The following PTPRD variants were observed in gnomAD, a reference collection of about 807,000 sequenced individuals.
The protein encoded by PTPRD is receptor-type tyrosine-protein phosphatase delta.
In PTPRD, 34 loss-of-function variants were observed where a neutral mutation model predicts 214.5. The observed-to-expected ratio is 0.16, with a 90% CI of 0.12 to 0.21. The LOEUF is 0.21. Ranked by LOEUF, PTPRD falls within the 10% of genes least tolerant of loss-of-function variation. The probability of loss-of-function intolerance (pLI) is 1.00; values close to 1 mark genes in which losing one functional copy is unlikely to be tolerated. For synonymous variants in PTPRD, 1,128 were observed against 845.7 expected (o/e 1.33, Z -5.79); for missense variants, 2,545 against 2,398.7 (o/e 1.06, Z -1.27).
intron 11 of PTPRD, among the ~76,000 whole-genome samples, chr9:8,900,007 T>C (rs1730715733): frequency 6.6e-6 from 1 of 152,222 alleles, no homozygotes; most frequent in South Asian, 2.1e-4. Context: ...ATCATTTTTC[T>C]TTCTTAAATT....
intron 2 of PTPRD, among the ~76,000 whole-genome samples, chr9:10,466,233 C>G (rs2098992514): frequency 6.6e-6 from 1 of 152,136 alleles, no homozygotes; most frequent in African/African-American, 2.4e-5. Flanking sequence ...AGCCTAATAT[C>G]TAGCCTGAAA....
intron 14 of PTPRD, among the ~76,000 whole-genome samples, chr9:8,589,428 T>C (rs2093929170): frequency 6.6e-6 from 1 of 152,214 alleles, no homozygotes; most frequent in South Asian, 2.1e-4. Flanking sequence ...CTTTCTGACT[T>C]GTCGCTTGAT....
intron 3 of PTPRD, among the ~76,000 whole-genome samples, chr9:10,210,325 A>T (rs1241667413): frequency 6.6e-6 from 1 of 152,164 alleles, no homozygotes; most frequent in Non-Finnish European, 1.5e-5. Flanking sequence ...CTCAGACAAA[A>T]GTGAGAAGAT....
At chr9:9,466,778 C>T (rs929916197) in intron 8 of PTPRD, among the ~76,000 whole-genome samples, 2 of 152,102 alleles carry the variant, frequency 1.3e-5, no homozygotes, top group African/African-American at 4.8e-5. Context: ...TTAATCTGTG[C>T]AAAATGCCTT....
intron 11 of PTPRD, among the ~76,000 whole-genome samples, chr9:8,827,201 C>T (rs1250628136): frequency 6.6e-6 from 1 of 152,132 alleles, no homozygotes; most frequent in Admixed American, 6.5e-5. Flanking sequence ...ACTAACTAAG[C>T]TCACTGAGGG....
intron 11 of PTPRD, among the ~76,000 whole-genome samples, chr9:8,917,329 C>T (rs557531727): frequency 2.0e-5 from 3 of 150,174 alleles, no homozygotes; most frequent in East Asian, 2.0e-4. Flanking sequence ...GTTGAGACAG[C>T]GTTTCACCAT....
In PTPRD at chr9:10,351,792, C is replaced by T. The variant is rs371772684; in HGVS notation, c.-599-10775G>A. Among the ~76,000 whole-genome samples the T allele has an allele frequency of 5.3e-5, 8 of 151,132 alleles. No homozygotes were observed. The East Asian group carries it at 5.8e-4, about 11-fold the overall frequency. ...TTTTTGAGGAATGAAAATTTGAAAA[C>T]GCAGGAAAATGTAGAGGCCTAGAAC... On this transcript the variant is annotated intron_variant, in intron 2 of 45. Transcript: ENST00000381196.
At chr9:9,707,467 G>A (rs998624049) in intron 7 of PTPRD, among the ~76,000 whole-genome samples, 1 of 152,016 alleles carries the variant, frequency 6.6e-6, no homozygotes, top group African/African-American at 2.4e-5. Context: ...ATTGAAAATG[G>A]CATTTGATGT....
chr9:9,528,546 T>C (rs1046276024), intron 8 of PTPRD, among the ~76,000 whole-genome samples: 2 of 152,024 alleles, frequency 1.3e-5, no homozygotes, highest in African/African-American at 2.4e-5. Context: ...GAGAACAAAA[T>C]ACTTGAAGAC....
chr9:9,578,381 T>C (rs981649290), intron 7 of PTPRD, among the ~76,000 whole-genome samples: 2 of 152,064 alleles, frequency 1.3e-5, no homozygotes, highest in Admixed American at 1.3e-4. Flanking sequence ...TTTGGAGAAA[T>C]TCATGAAATT....
At chr9:9,230,903 G>A (rs1426989730) in intron 9 of PTPRD, among the ~76,000 whole-genome samples, 1 of 152,078 alleles carries the variant, frequency 6.6e-6, no homozygotes, top group East Asian at 1.9e-4. Context: ...ATTAATTCTG[G>A]AAGCTAAGAA....
At chr9:8,602,920 C>T (rs1198164552) in intron 14 of PTPRD, among the ~76,000 whole-genome samples, 4 of 152,268 alleles carry the variant, frequency 2.6e-5, no homozygotes, top group East Asian at 3.9e-4. Flanking sequence ...TAAACTCATT[C>T]GATATAATCC....
At chr9:10,036,886 T>TTATG in intron 3 of PTPRD, among the ~76,000 whole-genome samples, 1 of 143,202 alleles carries the variant, frequency 7.0e-6, no homozygotes, top group African/African-American at 2.9e-5. Context: ...TATTATTTAT[T>TTATG]TATTTATTTA....
At chr9:9,462,243 AG>A (rs1327311592) in intron 8 of PTPRD, among the ~76,000 whole-genome samples, 4 of 152,120 alleles carry the variant, frequency 2.6e-5, no homozygotes, top group Admixed American at 6.6e-5. Context: ...GATTTTTGAG[AG>A]AAAAGGGAGT....
At chr9:9,750,048 C>G (rs186973466) in intron 6 of PTPRD, among the ~76,000 whole-genome samples, 1 of 152,094 alleles carries the variant, frequency 6.6e-6, no homozygotes, top group East Asian at 1.9e-4. Flanking sequence ...AAAACAACTA[C>G]GAAAAATAAA....
chr9:8,845,272 T>G (rs569995150), intron 11 of PTPRD, among the ~76,000 whole-genome samples: 1 of 152,260 alleles, frequency 6.6e-6, no homozygotes, highest in East Asian at 1.9e-4. Flanking sequence ...GCAAGGCCAG[T>G]TGTCAAGAGG....
At position 10,448,001 on chromosome 9, in the gene PTPRD, T is replaced by G. The variant is rs374765783; in HGVS notation, c.-599-106984A>C. 3.9e-5 allele frequency among the ~76,000 whole-genome samples: 6 copies of G among 152,130 alleles called. 1 individual carries two copies. The highest frequency in any genetic ancestry group is 1.4e-4 in the African/African-American group (6 of 41,404). ...CCATTATAATCACTGTGTGTGAGTG[T>G]GTGTGTTTGTGTGTATAATGTGTGT... On this transcript the variant is annotated intron_variant, in intron 2 of 45. Coordinates refer to ENST00000381196, the MANE Select transcript of PTPRD (RefSeq NM_002839.4).
intron 4 of PTPRD, among the ~76,000 whole-genome samples, chr9:9,947,739 TGTTGTGAGAA>T: frequency 7.0e-6 from 1 of 142,102 alleles, no homozygotes. Context: ...AAGTTAGCAC[TGTTGTGAGAA>T]GTTCATCTTC....
intron 35 of PTPRD, among the ~76,000 whole-genome samples, chr9:8,411,394 C>T (rs906427632): frequency 2.6e-5 from 4 of 152,024 alleles, no homozygotes; most frequent in African/African-American, 9.7e-5. Flanking sequence ...ACCTCTGCCT[C>T]CCGGGTTCAA....
Sources: allele counts gnomAD v4.1 joint callset (sites outside exome capture counted in the v4.1 genomes callset), GRCh38; gene constraint gnomAD v4.1.1; transcripts MANE v1.5; gene names NCBI Gene and HGNC (gene_info 2026-07-23, HGNC 2026-07-21).